NPAS3: variants seen among roughly 807,000 people sequenced by gnomAD.
The protein encoded by NPAS3 is neuronal PAS domain-containing protein 3.
Under a neutral mutation model 73.1 loss-of-function variants are expected in NPAS3, and 14 were observed. The observed-to-expected ratio is 0.19, with a 90% confidence interval of 0.13 to 0.30. The LOEUF is 0.30. NPAS3 is among the 10% of genes least tolerant of loss of function. The pLI, the probability that NPAS3 is intolerant of heterozygous loss-of-function variation, is 1.00. For missense variants in NPAS3, 1,096 were observed against 1,250.0 expected, an observed-to-expected ratio of 0.88 and a Z score of 1.86; for synonymous variants, 620 against 541.5, an observed-to-expected ratio of 1.14 and a Z score of -2.01.
chr14:33,697,129 G>A (rs1173589996), intron 6 of NPAS3, among the ~76,000 whole-genome samples: 1 of 152,196 alleles, frequency 6.6e-6, no homozygotes, highest in East Asian at 1.9e-4. Flanking sequence ...ACTTTAGAGT[G>A]CAGGAAAATC....
intron 3 of NPAS3, among the ~76,000 whole-genome samples, chr14:33,233,123 T>C (rs2047912028): frequency 6.6e-6 from 1 of 152,192 alleles, no homozygotes; most frequent in African/African-American, 2.4e-5. Context: ...TGATGACTGA[T>C]CAAGTATTTG....
intron 3 of NPAS3, among the ~76,000 whole-genome samples, chr14:33,247,159 A>T (rs889195082): frequency 6.9e-6 from 1 of 144,788 alleles, no homozygotes; most frequent in Non-Finnish European, 1.6e-5. Flanking sequence ...TTTAATGTAC[A>T]TTCTATCTTA....
chr14:33,071,289 T>C (rs1165443133), intron 2 of NPAS3, among the ~76,000 whole-genome samples: 1 of 152,198 alleles, frequency 6.6e-6, no homozygotes, highest in Non-Finnish European at 1.5e-5. Context: ...CTTTCTGTTC[T>C]CAAATATTTC....
chr14:32,944,734 A>G (rs900272677), intron 1 of NPAS3, among the ~76,000 whole-genome samples: 1 of 152,234 alleles, frequency 6.6e-6, no homozygotes, highest in African/African-American at 2.4e-5. Context: ...GACATGGCTT[A>G]GTAAGAATAA....
chr14:33,794,967 A>T (rs1478348984), intron 10 of NPAS3, among the ~76,000 whole-genome samples: 1 of 152,120 alleles, frequency 6.6e-6, no homozygotes, highest in Non-Finnish European at 1.5e-5. Context: ...GAGTAGGAAA[A>T]TTTCCAATAG....
rs2037148603 is a variant in NPAS3, at chr14:32,966,147, T to G, written c.50+26781T>G. Reference sequence around the variant, plus strand: ...TACTCAAAGCAATCTACAGAATCAGTGCAATACCTATAGAAATACCAATGA... The same window carrying G: ...TACTCAAAGCAATCTACAGAATCAGGGCAATACCTATAGAAATACCAATGA... On this transcript the variant is annotated intron_variant, in intron 1 of 11. Transcript: ENST00000356141. Among the ~76,000 whole-genome samples, 2 of 152,100 alleles carry G rather than the reference T, an allele frequency of 1.3e-5. 1 individual carries two copies. Among genetic ancestry groups the G allele is most frequent in the South Asian group, 4.1e-4 (2 of 4,826 alleles).
At chr14:33,569,644 G>C (rs907381606) in intron 5 of NPAS3, among the ~76,000 whole-genome samples, 4 of 152,082 alleles carry the variant, frequency 2.6e-5, no homozygotes, top group African/African-American at 4.8e-5. Flanking sequence ...TTCTTCACTA[G>C]GAACGCGCTA....
At chr14:33,797,112 T>C (rs924557046) in intron 10 of NPAS3, among the ~76,000 whole-genome samples, 2 of 152,176 alleles carry the variant, frequency 1.3e-5, no homozygotes, top group African/African-American at 2.4e-5. Context: ...CCAGGAGACA[T>C]GGGAATGAAT....
At chr14:33,066,568 G>A (rs2041288302) in intron 2 of NPAS3, among the ~76,000 whole-genome samples, 1 of 152,180 alleles carries the variant, frequency 6.6e-6, no homozygotes, top group African/African-American at 2.4e-5. Flanking sequence ...CTGGTGGCAA[G>A]TTTGGTTCAC....
chr14:33,602,769 T>C lies in NPAS3; in HGVS notation c.558+42559T>C, dbSNP rs944375260. 1.3e-5 allele frequency among the ~76,000 whole-genome samples: 2 copies of C among 152,162 alleles called. 1 individual carries two copies. Among genetic ancestry groups the C allele is most frequent in the Admixed American group, 1.3e-4 (2 of 15,272 alleles). ...TATTCAGACTTATCCTGACAGTAGA[T>C]AATAGATGCCACTTATTCAGCAGGC... On this transcript the variant is annotated intron_variant, in intron 5 of 11. Transcript: ENST00000356141.
intron 2 of NPAS3, among the ~76,000 whole-genome samples, chr14:33,141,917 C>A (rs565761066): frequency 6.6e-6 from 1 of 152,154 alleles, no homozygotes; most frequent in African/African-American, 2.4e-5. Flanking sequence ...TTCGCCACAC[C>A]TTTGTCAACA....
At chr14:33,115,413 G>A (rs1051082984) in intron 2 of NPAS3, among the ~76,000 whole-genome samples, 2 of 152,190 alleles carry the variant, frequency 1.3e-5, no homozygotes, top group Non-Finnish European at 2.9e-5. Flanking sequence ...CTTAGTGTAT[G>A]TGACTGTATG....
At chr14:33,197,269 T>TGTGTGTGTGTGTG (rs1300549499) in intron 2 of NPAS3, among the ~76,000 whole-genome samples, 2 of 20,804 alleles carry the variant, frequency 9.6e-5, no homozygotes, top group Admixed American at 3.6e-4. Flanking sequence ...GTGTGTGTGT[T>TGTGTGTGTGTGTG]CTTTTTCAAT....
At chr14:33,227,527 A>G (rs1008287435) in intron 3 of NPAS3, among the ~76,000 whole-genome samples, 45 of 152,338 alleles carry the variant, frequency 3.0e-4, no homozygotes, top group African/African-American at 1.1e-3. Context: ...AGGTACCAGC[A>G]TGGTGAGGTT....
chr14:33,173,654 T>A (rs1012714673), intron 2 of NPAS3, among the ~76,000 whole-genome samples: 1 of 152,218 alleles, frequency 6.6e-6, no homozygotes, highest in Non-Finnish European at 1.5e-5. Flanking sequence ...ACAGTGTATG[T>A]TTAACCAGGA....
At chr14:33,709,564 G>A (rs2060759267) in intron 6 of NPAS3, among the ~76,000 whole-genome samples, 1 of 152,158 alleles carries the variant, frequency 6.6e-6, no homozygotes, top group Non-Finnish European at 1.5e-5. Context: ...TTGATATTAT[G>A]AGTAACATTT....
At chr14:33,678,565 G>T (rs1035285895) in intron 6 of NPAS3, among the ~76,000 whole-genome samples, 1 of 152,154 alleles carries the variant, frequency 6.6e-6, no homozygotes. Flanking sequence ...GAAGAGAATA[G>T]CACAGCCCTC....
intron 1 of NPAS3, among the ~76,000 whole-genome samples, chr14:33,015,668 A>G (rs2039365723): frequency 6.6e-6 from 1 of 152,192 alleles, no homozygotes; most frequent in South Asian, 2.1e-4. Context: ...ACTCACACAT[A>G]TATACACACA....
At chr14:33,192,796 T>C (rs2046217760) in intron 2 of NPAS3, among the ~76,000 whole-genome samples, 1 of 152,220 alleles carries the variant, frequency 6.6e-6, no homozygotes, top group African/African-American at 2.4e-5. Context: ...TGTCGAGACG[T>C]AGACAATTCT....
Sources: gnomAD v4.1 joint callset for allele counts (sites outside exome capture counted in the v4.1 genomes callset) on GRCh38, gnomAD v4.1.1 for gene constraint, MANE v1.5 for transcripts, NCBI Gene and HGNC (gene_info 2026-07-23, HGNC 2026-07-21) for gene names.